The following GABBR2 variants were observed in gnomAD, a reference collection of about 807,000 sequenced individuals.
GABBR2 encodes G-protein coupled receptor 51.
GABBR2 carries 23 observed loss-of-function variants against 105.6 expected under a neutral mutation model. The observed-to-expected ratio is 0.22, with a 90% CI of 0.16 to 0.31. The LOEUF is 0.31. Among genes scored for constraint, GABBR2 ranks in the 10% least tolerant of loss-of-function variants. The pLI, the probability that GABBR2 is intolerant of heterozygous loss-of-function variation, is 1.00. For missense variants in GABBR2, 734 were observed against 1,245.5 expected (o/e 0.59, Z 6.18); for synonymous variants, 478 against 499.7 (o/e 0.96, Z 0.58).
chr9:98,379,632 G>A (rs959005291), intron 11 of GABBR2, among the ~76,000 whole-genome samples: 1 of 152,170 alleles, frequency 6.6e-6, no homozygotes, highest in African/African-American at 2.4e-5. Flanking sequence ...GTATCCAGAG[G>A]TGAACACAAT....
chr9:98,561,059 G>C (rs1210665703), intron 2 of GABBR2, among the ~76,000 whole-genome samples: 1 of 151,686 alleles, frequency 6.6e-6, no homozygotes, highest in Non-Finnish European at 1.5e-5. Flanking sequence ...AAAAATTCAG[G>C]ATCCAGTCAA....
chr9:98,427,577 T>A (rs895461581), intron 7 of GABBR2, among the ~76,000 whole-genome samples: 10 of 152,314 alleles, frequency 6.6e-5, no homozygotes, highest in African/African-American at 2.4e-4. Flanking sequence ...CCAAATTCCA[T>A]CATCCCCTTC....
chr9:98,688,038 C>T (rs1264537022), intron 1 of GABBR2, among the ~76,000 whole-genome samples: 1 of 152,166 alleles, frequency 6.6e-6, no homozygotes, highest in Admixed American at 6.5e-5. Flanking sequence ...TTTACAGGAA[C>T]ACACACACTG....
intron 12 of GABBR2, among the ~76,000 whole-genome samples, chr9:98,369,313 G>T (rs1831736993): frequency 2.0e-5 from 3 of 152,160 alleles, no homozygotes; most frequent in Non-Finnish European, 4.4e-5. Flanking sequence ...TGTGGGGCAG[G>T]GGGCAGGGGG....
chr9:98,317,702 A>G (rs1002133661), intron 13 of GABBR2, among the ~76,000 whole-genome samples: 1 of 152,194 alleles, frequency 6.6e-6, no homozygotes, highest in Non-Finnish European at 1.5e-5. Flanking sequence ...AGGATTTGTC[A>G]TGTGCCTGCT....
At chr9:98,312,831 C>T (rs541346817) in intron 13 of GABBR2, among the ~76,000 whole-genome samples, 273 of 152,242 alleles carry the variant, frequency 1.8e-3, no homozygotes, top group Non-Finnish European at 3.1e-3. Context: ...CTCACTGCAA[C>T]TTCTGCCTCC....
At chr9:98,462,298 T>C (rs1475777373) in intron 6 of GABBR2, among the ~76,000 whole-genome samples, 1 of 152,312 alleles carries the variant, frequency 6.6e-6, no homozygotes, top group Admixed American at 6.5e-5. Flanking sequence ...AGAAGACTAA[T>C]ACATTGGATT....
At chr9:98,364,177 G>C (rs1265602099) in intron 12 of GABBR2, among the ~76,000 whole-genome samples, 1 of 152,180 alleles carries the variant, frequency 6.6e-6, no homozygotes, top group Non-Finnish European at 1.5e-5. Context: ...AGATTTTCAA[G>C]GATATGGTGA....
intron 1 of GABBR2, among the ~76,000 whole-genome samples, chr9:98,626,241 G>C (rs1829734539): frequency 6.6e-6 from 1 of 152,208 alleles, no homozygotes; most frequent in African/African-American, 2.4e-5. Flanking sequence ...GGGGTTGGGT[G>C]GATTGGAGGA....
At chr9:98,475,093 G>A (rs538031269) in intron 5 of GABBR2, among the ~76,000 whole-genome samples, 1 of 152,146 alleles carries the variant, frequency 6.6e-6, no homozygotes, top group African/African-American at 2.4e-5. Flanking sequence ...TGATCACACT[G>A]TCTCTTCACT....
chr9:98,318,589 G>C (rs1390464539), intron 13 of GABBR2, among the ~76,000 whole-genome samples: 2 of 152,122 alleles, frequency 1.3e-5, no homozygotes, highest in South Asian at 4.1e-4. Context: ...GGAGGGCCAC[G>C]CAATTCACCT....
intron 13 of GABBR2, among the ~76,000 whole-genome samples, chr9:98,347,487 A>C (rs1831321326): frequency 6.6e-6 from 1 of 152,070 alleles, no homozygotes; most frequent in Admixed American, 6.5e-5. Context: ...TTGTTGGATA[A>C]ATAGTTTCCA....
intron 12 of GABBR2, among the ~76,000 whole-genome samples, chr9:98,369,085 C>T (rs554455371): frequency 1.3e-4 from 20 of 152,354 alleles, no homozygotes; most frequent in East Asian, 1.2e-3. Flanking sequence ...CTGGCCTGGG[C>T]GACTTCCAGT....
intron 13 of GABBR2, among the ~76,000 whole-genome samples, chr9:98,317,579 GTTGA>G (rs1262933320): frequency 1.3e-5 from 2 of 152,228 alleles, no homozygotes; most frequent in African/African-American, 4.8e-5. Flanking sequence ...GAGCCCATGG[GTTGA>G]TTTACAGTGT....
At chr9:98,595,299 T>C (rs1169352489) in intron 1 of GABBR2, among the ~76,000 whole-genome samples, 1 of 151,908 alleles carries the variant, frequency 6.6e-6, no homozygotes, top group East Asian at 2.0e-4. Flanking sequence ...CCTCGTGACC[T>C]AATCACCCCC....
chr9:98,403,165 G>A (rs1156524654), intron 8 of GABBR2, among the ~76,000 whole-genome samples: 1 of 151,894 alleles, frequency 6.6e-6, no homozygotes, highest in Non-Finnish European at 1.5e-5. Flanking sequence ...ATGGTGGCAC[G>A]AGCCTGTAGT....
chr9:98,641,393 C>T (rs1399651290), intron 1 of GABBR2, among the ~76,000 whole-genome samples: 3 of 151,892 alleles, frequency 2.0e-5, no homozygotes, highest in African/African-American at 7.3e-5. Context: ...CCACCTCGGC[C>T]TCCCAAAGTG....
chr9:98,461,504 T>A (rs998595065), intron 6 of GABBR2, among the ~76,000 whole-genome samples: 1 of 152,200 alleles, frequency 6.6e-6, no homozygotes, highest in African/African-American at 2.4e-5. Flanking sequence ...CAATAAATAG[T>A]CCTGAATCAA....
At chr9:98,645,130 C>T (rs1234475929) in intron 1 of GABBR2, among the ~76,000 whole-genome samples, 1 of 152,170 alleles carries the variant, frequency 6.6e-6, no homozygotes, top group African/African-American at 2.4e-5. Context: ...TCTGTCGACC[C>T]TTGTTGCCTA....
Sources: gnomAD v4.1 joint callset for allele counts (sites outside exome capture counted in the v4.1 genomes callset) on GRCh38, gnomAD v4.1.1 for gene constraint, MANE v1.5 for transcripts, NCBI Gene and HGNC (gene_info 2026-07-23, HGNC 2026-07-21) for gene names.